ANKRD26: variants seen among roughly 807,000 people sequenced by gnomAD.
ANKRD26 encodes ankyrin repeat domain-containing protein 26.
A neutral mutation model predicts 208.7 loss-of-function variants in ANKRD26; 141 were observed. The ratio of observed to expected loss-of-function variants is 0.68; its 90% CI spans 0.59 to 0.78. The LOEUF (loss-of-function observed/expected upper bound fraction) is 0.78. ANKRD26 is among the 30% of genes least tolerant of loss of function. The probability of loss-of-function intolerance (pLI) is 0.00; values close to 1 mark genes in which losing one functional copy is unlikely to be tolerated. For synonymous variants in ANKRD26, 636 were observed against 660.4 expected, an observed-to-expected ratio of 0.96 and a Z score of 0.57; for missense variants, 1,889 against 1,938.7, an observed-to-expected ratio of 0.97 and a Z score of 0.48.
chr10:26,964,504 CTGTT>C, the ANKRD26 span, among the ~76,000 whole-genome samples: 2 of 152,210 alleles, frequency 1.3e-5, no homozygotes, highest in Non-Finnish European at 2.9e-5. Context: ...CCACAGAGAG[CTGTT>C]TCACAGTCTC....
intron 16 of ANKRD26, among the ~76,000 whole-genome samples, chr10:27,052,480 A>C (rs2054696257): frequency 6.6e-6 from 1 of 152,138 alleles, no homozygotes; most frequent in African/African-American, 2.4e-5. Context: ...CTTTTTGTAA[A>C]GATTTCTAAC....
At position 27,046,486 on chromosome 10, in the gene ANKRD26, T is replaced by C; in HGVS notation, c.1852A>G (p.Thr618Ala). The C allele has an allele frequency of 6.2e-7, 1 of 1,614,094 alleles. No individual in the cohort carries two copies. The highest frequency in any genetic ancestry group is 1.1e-5 in the South Asian group (1 of 91,078). The change falls in exon 18 of 34, where the codon ACT (threonine) becomes GCT (alanine). Residue 618 changes from threonine (T) to alanine (A), a missense_variant. Thr to Ala is a moderately conservative substitution (Grantham distance 58, BLOSUM62 0). Around this residue, in one of 3 missense-constraint regions of ANKRD26, gnomAD observed 1,272 missense variants for 1,273.8 expected, o/e 1.00. Transcript: ENST00000376087. ...TTCGAGGTCCGTTTTTCTTTTTCAGTGCTCTTTACTTCCTTCATTTGCAAG... is the reference window on the plus strand; with the variant it reads ...TTCGAGGTCCGTTTTTCTTTTTCAGCGCTCTTTACTTCCTTCATTTGCAAG... ...PALQMKEVKS[T>A]EKEKRTSKES...
At chr10:27,097,555 A>C (rs1324650964) in intron 1 of ANKRD26, among the ~76,000 whole-genome samples, 2 of 152,216 alleles carry the variant, frequency 1.3e-5, no homozygotes, top group African/African-American at 4.8e-5. Flanking sequence ...AGAATGGAAA[A>C]ATCATTAGGG....
At chr10:27,037,844 T>G (rs1455443421) in intron 22 of ANKRD26, 27 bp downstream of exon 22, 19 of 1,525,784 alleles carry the variant, frequency 1.2e-5, no homozygotes, top group Non-Finnish European at 1.7e-5. Context: ...GTTAAAAATA[T>G]AAAATTTTTA....
chr10:27,027,748 A>T (rs567981646), intron 27 of ANKRD26, among the ~76,000 whole-genome samples: 1 of 152,320 alleles, frequency 6.6e-6, no homozygotes, highest in South Asian at 2.1e-4. Context: ...ACATACAGAT[A>T]GTCCCCAACT....
At chr10:26,951,386 T>C in the ANKRD26 span, among the ~76,000 whole-genome samples, 2 of 152,154 alleles carry the variant, frequency 1.3e-5, no homozygotes, top group Admixed American at 1.3e-4. Flanking sequence ...GCAGTGATGA[T>C]CTGTGCCTCT....
intron 9 of ANKRD26, chr10:27,077,056 T>C (rs1343900821): frequency 2.4e-6 from 1 of 414,296 alleles, no homozygotes; most frequent in Non-Finnish European, 4.3e-6. Flanking sequence ...AAAAGAAAAC[T>C]GCAGACCAAT....
intron 16 of ANKRD26, among the ~76,000 whole-genome samples, chr10:27,053,030 G>A (rs2054714556): frequency 6.6e-6 from 1 of 152,010 alleles, no homozygotes; most frequent in Admixed American, 6.6e-5. Context: ...TATCATATAA[G>A]GAAGTTATAA....
rs775438679 is a variant in ANKRD26, at chr10:27,014,701, G to A, written c.4517C>T (p.Ala1506Val). 1.2e-6 allele frequency: 2 copies of A among 1,612,080 alleles called. No individual in the cohort carries two copies. The highest frequency in any genetic ancestry group is 2.2e-5 in the South Asian group (2 of 90,948). Residue 1506 changes from alanine (A) to valine (V), a missense_variant, in exon 31 of 34, where the codon GCA (alanine) becomes GTA (valine). Physicochemically the swap from Ala to Val is moderately conservative, Grantham distance 64. Transcript: ENST00000376087. The stretch of plus-strand genomic sequence containing the variant: ...AAACTGCTCTAAGTTTTCTTGAGAT[G>A]CTGCTTGTGCCTAAAACAAATTAAA... ...EVNLFLQAQA[A>V]SQENLEQFRE...
Position 27,061,175 on chromosome 10 carries a change from T to C in ANKRD26, c.1431A>G (p.Thr477=). The change falls in exon 13 of 34, where the codon ACA becomes ACG. Residue 477 remains threonine (T), a synonymous_variant. Coordinates refer to ENST00000376087, the MANE Select transcript of ANKRD26 (RefSeq NM_014915.3). ...GGGCTACTGGCATGCCTACATTTCTTGTATCCTCTAGTTTAGCCATCTTAA... is the reference window on the plus strand; with the variant it reads ...GGGCTACTGGCATGCCTACATTTCTCGTATCCTCTAGTTTAGCCATCTTAA... The part of the protein sequence containing the change: ...RNFKMAKLED[T]RNVGMPVAHM... 2 of 1,612,732 alleles carry C rather than the reference T, an allele frequency of 1.2e-6. No homozygotes were observed. Among genetic ancestry groups the C allele is most frequent in the Non-Finnish European group, 1.7e-6 (2 of 1,179,010 alleles).
intron 9 of ANKRD26, among the ~76,000 whole-genome samples, chr10:27,067,569 A>G (rs2055307904): frequency 6.6e-6 from 1 of 152,172 alleles, no homozygotes; most frequent in Non-Finnish European, 1.5e-5. Flanking sequence ...CAGAAGGCAA[A>G]GAGGGGGCAG....
chr10:26,959,116 T>C, the ANKRD26 span, among the ~76,000 whole-genome samples: 1 of 151,894 alleles, frequency 6.6e-6, no homozygotes, highest in Admixed American at 6.6e-5. Flanking sequence ...TTGAAACTAC[T>C]AAAAATACAA....
intron 15 of ANKRD26, among the ~76,000 whole-genome samples, chr10:27,054,187 T>G (rs1043971547): frequency 2.0e-5 from 3 of 152,140 alleles, no homozygotes; most frequent in Non-Finnish European, 4.4e-5. Context: ...TCCCAGACGG[T>G]AGGGGACAAT....
At chr10:27,053,417 A>T (rs767368699) in intron 15 of ANKRD26, 27 bp from the exon 16 acceptor site, 3 of 1,499,974 alleles carry the variant, frequency 2.0e-6, no homozygotes, top group Non-Finnish European at 2.8e-6. Context: ...ATTTAGTTTA[A>T]TGAACTACTT....
intron 5 of ANKRD26, 122 bp from the exon 6 acceptor site, chr10:27,082,955 T>C (rs2055981350): frequency 1.2e-5 from 15 of 1,303,460 alleles, no homozygotes; most frequent in Admixed American, 8.0e-5. Context: ...GAGACTATAA[T>C]AGAATTAATA....
Position 27,034,801 on chromosome 10 carries a change from T to G in ANKRD26, c.3649A>C (p.Arg1217=), listed in dbSNP as rs1162845659. ...TTATCTTTCTTGATACTTACTTCTC[T>G]TTCTGCCTTTTCATTTTCATATTGA... ...QYQYENEKAE[R]EVVVRQLQQE... is the part of the protein sequence containing the mutation. The change falls in exon 24 of 34, where the codon AGA becomes CGA. Residue 1217 remains arginine, a synonymous_variant. Transcript: ENST00000376087. The G allele has an allele frequency of 6.2e-7, 1 of 1,600,934 alleles. No individual in the cohort carries two copies. Among genetic ancestry groups the G allele is most frequent in the East Asian group, 2.2e-5 (1 of 44,792 alleles).
intron 5 of ANKRD26, among the ~76,000 whole-genome samples, chr10:27,085,457 T>C (rs1236806578): frequency 6.6e-6 from 1 of 152,200 alleles, no homozygotes; most frequent in Non-Finnish European, 1.5e-5. Context: ...CAACTTAGGC[T>C]GAATAAAGTC....
intron 15 of ANKRD26, among the ~76,000 whole-genome samples, chr10:27,058,663 A>G (rs529424414): frequency 9.3e-5 from 14 of 151,230 alleles, no homozygotes; most frequent in African/African-American, 2.7e-4. Flanking sequence ...GCAACCTCCA[A>G]CTCCCTGGTT....
intron 1 of ANKRD26, among the ~76,000 whole-genome samples, chr10:27,094,219 C>G (rs2056393654): frequency 6.6e-6 from 1 of 152,192 alleles, no homozygotes; most frequent in Non-Finnish European, 1.5e-5. Context: ...AATTAAACCT[C>G]TTTCCTTTAT....
Sources: allele counts gnomAD v4.1 joint callset (sites outside exome capture counted in the v4.1 genomes callset), GRCh38; gene constraint gnomAD v4.1.1; regional missense constraint gnomAD v4.1.1; transcripts MANE v1.5; gene names NCBI Gene and HGNC (gene_info 2026-07-23, HGNC 2026-07-21).